Variants in A1CF observed in about 807,000 individuals in gnomAD.
The protein encoded by A1CF is APOBEC-1 stimulating protein.
Under a neutral mutation model 68.9 loss-of-function variants are expected in A1CF, and 48 were observed. The observed-to-expected ratio is 0.70, with a 90% confidence interval of 0.55 to 0.89. The LOEUF (loss-of-function observed/expected upper bound fraction) is 0.89, where lower values mean the gene tolerates loss of function less well. A1CF is among the 40% of genes least tolerant of loss of function. A1CF has a pLI of 0.00. For synonymous variants in A1CF, 272 were observed against 260.4 expected (o/e 1.04, Z -0.43); for missense variants, 653 against 718.9 (o/e 0.91, Z 1.05).
chr10:50,869,776 A>G (rs1481382634), intron 1 of A1CF, among the ~76,000 whole-genome samples: 1 of 152,058 alleles, frequency 6.6e-6, no homozygotes, highest in East Asian at 1.9e-4. Context: ...CATTTGTATT[A>G]ATTTTTATAT....
At chr10:50,879,183 C>T (rs1172537934) in intron 1 of A1CF, among the ~76,000 whole-genome samples, 1 of 152,216 alleles carries the variant, frequency 6.6e-6, no homozygotes, top group Non-Finnish European at 1.5e-5. Context: ...TTGGGAGCAT[C>T]TGAGTCTCAA....
intron 1 of A1CF, among the ~76,000 whole-genome samples, 166 bp from the exon 2 acceptor site, chr10:50,864,246 T>C (rs951709262): frequency 6.6e-6 from 1 of 152,164 alleles, no homozygotes; most frequent in Admixed American, 6.5e-5. Flanking sequence ...GTGCAACATA[T>C]TGTTGTGAAG....
chr10:50,841,771 T>C (rs1018237469), intron 5 of A1CF, 91 bp downstream of exon 5: 2 of 1,486,224 alleles, frequency 1.3e-6, no homozygotes, highest in Non-Finnish European at 1.8e-6. Flanking sequence ...GGCTTTTTTT[T>C]TGGCATACAC....
chr10:50,841,551 G>T (rs949271310), intron 5 of A1CF, among the ~76,000 whole-genome samples: 1 of 151,988 alleles, frequency 6.6e-6, no homozygotes. Flanking sequence ...TTATATATTT[G>T]CTCTGCAAGT....
chr10:50,881,660 A>C (rs1393814018), intron 1 of A1CF, among the ~76,000 whole-genome samples: 1 of 152,224 alleles, frequency 6.6e-6, no homozygotes, highest in East Asian at 1.9e-4. Context: ...GAGGGAGGGA[A>C]GGCATCACTA....
rs187830543 is a variant in A1CF, at chr10:50,849,085, T to C, written c.100-4963A>G. On this transcript the variant is annotated intron_variant, in intron 3 of 12. Coordinates refer to ENST00000373997, the MANE Select transcript of A1CF (RefSeq NM_014576.4). ...ATATACTAGATCCTTCATTATGTGA[T>C]AGATAGTTTAAGGAAAGTCTATGGG... 2.0e-4 allele frequency among the ~76,000 whole-genome samples: 30 copies of C among 152,272 alleles called. No homozygotes were observed. The East Asian group carries it at 5.6e-3, about 28-fold the overall frequency.
intron 3 of A1CF, among the ~76,000 whole-genome samples, chr10:50,859,312 G>A (rs955371168): frequency 2.6e-5 from 4 of 152,228 alleles, no homozygotes; most frequent in African/African-American, 9.6e-5. Flanking sequence ...TTAAGATTGT[G>A]GTGTTTTCTT....
chr10:50,866,496 G>T (rs901763064), intron 1 of A1CF, among the ~76,000 whole-genome samples: 10 of 152,170 alleles, frequency 6.6e-5, no homozygotes, highest in African/African-American at 2.4e-4. Context: ...TGCAGTTCCC[G>T]ACCCTGTTGG....
intron 11 of A1CF, 62 bp from the exon 12 acceptor site, chr10:50,810,104 C>T: frequency 1.3e-6 from 2 of 1,585,134 alleles, no homozygotes; most frequent in Non-Finnish European, 1.7e-6. Context: ...CAGGTGAAAA[C>T]TTAAGGCACT....
intron 1 of A1CF, among the ~76,000 whole-genome samples, chr10:50,869,265 A>G (rs917911115): frequency 3.3e-5 from 5 of 152,156 alleles, no homozygotes; most frequent in African/African-American, 1.2e-4. Context: ...TGGAATAAAT[A>G]AGGTAATGAA....
At position 50,878,361 on chromosome 10, in the gene A1CF, T is replaced by G. The variant is rs999798476; in HGVS notation, c.-94+7220A>C. On this transcript the variant is annotated intron_variant, in intron 1 of 12. Transcript: ENST00000373997. ...GTTATAGCTAAATGGCTAAAGTTTA[T>G]GCACACTTGCTTGGTATTATTCTAA... Among the ~76,000 whole-genome samples the G allele has an allele frequency of 5.9e-5, 9 of 152,260 alleles. No homozygotes were observed. In the South Asian group the frequency reaches 1.0e-3, roughly 17 times the overall value.
chr10:50,819,455 C>T (rs1838534908), intron 8 of A1CF, among the ~76,000 whole-genome samples: 1 of 152,164 alleles, frequency 6.6e-6, no homozygotes. Flanking sequence ...CTACACAATT[C>T]TCTCCCCTTT....
intron 1 of A1CF, among the ~76,000 whole-genome samples, chr10:50,864,923 TC>T (rs1161188332): frequency 6.6e-6 from 1 of 151,972 alleles, no homozygotes; most frequent in African/African-American, 2.4e-5. Flanking sequence ...TGGCCAATCC[TC>T]CCGGCAGGTC....
intron 1 of A1CF, among the ~76,000 whole-genome samples, chr10:50,869,476 C>T (rs546105801): frequency 5.8e-4 from 88 of 152,198 alleles, no homozygotes; most frequent in Middle Eastern, 6.8e-3. Context: ...TATTGCCTTA[C>T]TAATGGATCC....
intron 3 of A1CF, chr10:50,850,594 G>T: frequency 9.1e-7 from 1 of 1,104,610 alleles, no homozygotes; most frequent in Non-Finnish European, 1.3e-6. Context: ...AAAAGCATTT[G>T]TGTGTGTGTG....
At chr10:50,853,946 C>T (rs1840364420) in intron 3 of A1CF, among the ~76,000 whole-genome samples, 1 of 151,880 alleles carries the variant, frequency 6.6e-6, no homozygotes, top group South Asian at 2.1e-4. Flanking sequence ...TTTCTAACTG[C>T]AGAACAAAAG....
intron 1 of A1CF, among the ~76,000 whole-genome samples, chr10:50,865,453 T>C (rs1266848274): frequency 1.3e-5 from 2 of 152,216 alleles, no homozygotes; most frequent in Admixed American, 1.3e-4. Context: ...AACCATCCAA[T>C]AAATATTAGC....
intron 3 of A1CF, among the ~76,000 whole-genome samples, chr10:50,852,253 G>A (rs1041046348): frequency 1.3e-5 from 2 of 152,130 alleles, no homozygotes; most frequent in Non-Finnish European, 2.9e-5. Context: ...ACCCTATGAG[G>A]CTATTCGAGG....
chr10:50,821,780 G>A (rs949849931), intron 7 of A1CF, among the ~76,000 whole-genome samples: 4 of 152,104 alleles, frequency 2.6e-5, no homozygotes, highest in African/African-American at 9.7e-5. Context: ...CAGGTGATCT[G>A]CCTACCTCGG....
Sources: gnomAD v4.1 joint callset for allele counts (sites outside exome capture counted in the v4.1 genomes callset) on GRCh38, gnomAD v4.1.1 for gene constraint, MANE v1.5 for transcripts, NCBI Gene and HGNC (gene_info 2026-07-23, HGNC 2026-07-21) for gene names.